KLHL1: variants seen among roughly 807,000 people sequenced by gnomAD.
KLHL1 encodes the protein kelch like family member 1, also known as kelch-like protein 1.
Under a neutral mutation model 77.7 loss-of-function variants are expected in KLHL1, and 47 were observed. That is an observed-to-expected ratio of 0.60 (90% confidence interval 0.48 to 0.77). The LOEUF (loss-of-function observed/expected upper bound fraction) is 0.77, where lower values mean the gene tolerates loss of function less well. Among genes scored for constraint, KLHL1 ranks in the 30% least tolerant of loss-of-function variants. The probability of loss-of-function intolerance (pLI) is 0.00; values close to 1 mark genes in which losing one functional copy is unlikely to be tolerated. For synonymous variants in KLHL1, 360 were observed against 325.2 expected, an observed-to-expected ratio of 1.11 and a Z score of -1.15; for missense variants, 925 against 910.8, an observed-to-expected ratio of 1.02 and a Z score of -0.20.
At chr13:69,832,244 A>G (rs779364518) in intron 6 of KLHL1, among the ~76,000 whole-genome samples, 20 of 150,254 alleles carry the variant, frequency 1.3e-4, no homozygotes, top group Non-Finnish European at 2.5e-4. Context: ...AAAAGAATTC[A>G]GTAAAGTTTC....
intron 4 of KLHL1, among the ~76,000 whole-genome samples, chr13:69,935,556 G>A (rs73510149): frequency 6.6e-6 from 1 of 152,062 alleles, no homozygotes; most frequent in Non-Finnish European, 1.5e-5. Flanking sequence ...TTCAGAGAAT[G>A]AGTCTCTGTA....
intron 4 of KLHL1, among the ~76,000 whole-genome samples, chr13:69,934,229 T>A (rs2138287033): frequency 6.6e-6 from 1 of 152,294 alleles, no homozygotes. Context: ...AGGCTCGCCA[T>A]CAGTAAAGCT....
chr13:69,996,819 T>C (rs374186311), intron 1 of KLHL1, among the ~76,000 whole-genome samples: 35 of 151,928 alleles, frequency 2.3e-4, no homozygotes, highest in Non-Finnish European at 4.3e-4. Context: ...TTACAAACTT[T>C]AAGTGGCCTA....
intron 1 of KLHL1, among the ~76,000 whole-genome samples, chr13:70,092,622 T>A (rs1214759958): frequency 1.3e-5 from 2 of 152,140 alleles, no homozygotes; most frequent in Non-Finnish European, 2.9e-5. Flanking sequence ...ATTCAATGGA[T>A]TATATATACA....
In KLHL1 at chr13:70,107,797, C is replaced by T. The variant is rs1888111619; in HGVS notation, c.-98G>A. On this transcript the variant is annotated 5_prime_UTR_variant, in exon 1 of 11. Transcript: ENST00000377844. Reference sequence around the variant, plus strand: ...CGGGGCCCGGGGGCGGAGGAAGAGGCGGGATGCGCCCTCTGCACCCCTAGA... The same window carrying T: ...CGGGGCCCGGGGGCGGAGGAAGAGGTGGGATGCGCCCTCTGCACCCCTAGA... The T allele has an allele frequency of 7.8e-6, 7 of 900,858 alleles. No individual in the cohort carries two copies. The highest frequency in any genetic ancestry group is 3.0e-5 in the Admixed American group (1 of 32,800). 55.8% of individuals were successfully genotyped at this position (900,858 alleles called of 1,614,324 possible).
At chr13:70,031,031 A>C (rs1031358576) in intron 1 of KLHL1, among the ~76,000 whole-genome samples, 1 of 152,214 alleles carries the variant, frequency 6.6e-6, no homozygotes, top group Admixed American at 6.5e-5. Flanking sequence ...ACACCCTCCC[A>C]AGACTAAACC....
chr13:69,773,111 C>T (rs184417465), intron 7 of KLHL1, among the ~76,000 whole-genome samples: 241 of 151,886 alleles, frequency 1.6e-3, no homozygotes, highest in African/African-American at 5.7e-3. Context: ...GCAATGTCCT[C>T]TAATGGAAGC....
At chr13:70,047,327 T>C (rs1886526230) in intron 1 of KLHL1, among the ~76,000 whole-genome samples, 1 of 151,702 alleles carries the variant, frequency 6.6e-6, no homozygotes, top group Non-Finnish European at 1.5e-5. Context: ...GAGACTGTAT[T>C]CCAGTAGAGA....
chr13:69,836,271 C>A (rs1878986830), intron 6 of KLHL1, among the ~76,000 whole-genome samples: 1 of 152,108 alleles, frequency 6.6e-6, no homozygotes, highest in South Asian at 2.1e-4. Context: ...GGACCTTAGA[C>A]TCCTGTCCCT....
chr13:69,896,546 C>A (rs1020087596), intron 4 of KLHL1, among the ~76,000 whole-genome samples: 1 of 151,994 alleles, frequency 6.6e-6, no homozygotes, highest in Non-Finnish European at 1.5e-5. Context: ...TGATGGATGA[C>A]CCTCAGTCAT....
At chr13:70,063,537 CATG>C (rs559388408) in intron 1 of KLHL1, among the ~76,000 whole-genome samples, 27 of 152,134 alleles carry the variant, frequency 1.8e-4, no homozygotes, top group African/African-American at 3.9e-4. Flanking sequence ...ATCTAACACA[CATG>C]ATGATAATTT....
chr13:70,102,548 CTCTTT>C (rs1190514430), intron 1 of KLHL1, among the ~76,000 whole-genome samples: 1 of 152,038 alleles, frequency 6.6e-6, no homozygotes, highest in Admixed American at 6.6e-5. Context: ...CAGATGCTGC[CTCTTT>C]TCTTTTGTTC....
Position 70,107,787 on chromosome 13 carries a change from G to T in KLHL1, c.-88C>A, listed in dbSNP as rs555272767. The stretch of plus-strand genomic sequence containing the variant: ...GGGAGGACAGCGGGGCCCGGGGGCG[G>T]AGGAAGAGGCGGGATGCGCCCTCTG... On this transcript the variant is annotated 5_prime_UTR_variant, in exon 1 of 11. Transcript: ENST00000377844. 4.8e-6 allele frequency: 5 copies of T among 1,043,156 alleles called. No homozygotes were observed. Among genetic ancestry groups the T allele is most frequent in the Middle Eastern group, 3.1e-4 (1 of 3,180 alleles). The allele number at this position is 1,043,156 out of a possible 1,614,324, so 64.6% of individuals were successfully genotyped here.
intron 6 of KLHL1, among the ~76,000 whole-genome samples, chr13:69,820,280 A>C (rs1174557487): frequency 6.6e-6 from 1 of 152,208 alleles, no homozygotes; most frequent in African/African-American, 2.4e-5. Context: ...AACAGGGTTC[A>C]CATATCGGTT....
rs554084702 is a variant in KLHL1 at position 69,791,321 on chromosome 13, G to A, written c.1639+5417C>T. 3.3e-5 allele frequency among the ~76,000 whole-genome samples: 5 copies of A among 152,030 alleles called. No homozygotes were observed. The South Asian group carries it at 1.0e-3, about 31-fold the overall frequency. ...CAACAGAATGACATCTCATATACAA[G>A]ATTGGAAGATTTATTTTTTTTTACG... On this transcript the variant is annotated intron_variant, in intron 7 of 10. Transcript: ENST00000377844.
chr13:69,781,844 CTATAAATGGGA>C (rs1196947715), intron 7 of KLHL1, among the ~76,000 whole-genome samples: 1 of 152,102 alleles, frequency 6.6e-6, no homozygotes, highest in African/African-American at 2.4e-5. Flanking sequence ...ACTATAATGG[CTATAAATGGGA>C]TATTAACTTT....
At chr13:69,834,560 T>C (rs1400318949) in intron 6 of KLHL1, among the ~76,000 whole-genome samples, 2 of 152,222 alleles carry the variant, frequency 1.3e-5, no homozygotes, top group East Asian at 1.9e-4. Flanking sequence ...TTATAATTCA[T>C]AAATATATGT....
At chr13:69,779,185 T>C (rs1362724570) in intron 7 of KLHL1, among the ~76,000 whole-genome samples, 2 of 152,176 alleles carry the variant, frequency 1.3e-5, no homozygotes, top group Non-Finnish European at 2.9e-5. Flanking sequence ...TTTGAACAAG[T>C]ACATAATGCA....
At chr13:69,939,469 A>ACACC (rs1284496642) in intron 4 of KLHL1, among the ~76,000 whole-genome samples, 6 of 151,090 alleles carry the variant, frequency 4.0e-5, no homozygotes, top group African/African-American at 1.5e-4. Flanking sequence ...TGGCATAGCC[A>ACACC]CACCAAGTAC....
Sources: gnomAD v4.1 joint callset for allele counts (sites outside exome capture counted in the v4.1 genomes callset) on GRCh38, gnomAD v4.1.1 for gene constraint, MANE v1.5 for transcripts, NCBI Gene and HGNC (gene_info 2026-07-23, HGNC 2026-07-21) for gene names.